The following ARMC2 variants were observed in gnomAD, a reference collection of about 807,000 sequenced individuals.
ARMC2 encodes armadillo repeat-containing protein 2.
ARMC2 carries 67 observed loss-of-function variants against 90.3 expected under a neutral mutation model. The ratio of observed to expected loss-of-function variants is 0.74; its 90% CI spans 0.61 to 0.91. The LOEUF (loss-of-function observed/expected upper bound fraction) is 0.91, where lower values mean the gene tolerates loss of function less well. Among genes scored for constraint, ARMC2 ranks in the 40% least tolerant of loss-of-function variants. The probability of loss-of-function intolerance (pLI) is 0.00; values close to 1 mark genes in which losing one functional copy is unlikely to be tolerated. For missense variants in ARMC2, 920 were observed against 1,030.9 expected, an observed-to-expected ratio of 0.89 and a Z score of 1.47; for synonymous variants, 393 against 393.0, an observed-to-expected ratio of 1.00 and a Z score of 0.00.
Position 108,877,321 on chromosome 6 carries a change from C to A in ARMC2, c.671+971C>A, listed in dbSNP as rs186496688. On this transcript the variant is annotated intron_variant, in intron 5 of 17. Transcript: ENST00000392644. ...TGCTTAAAACTTTTCCCCCAAGTGG[C>A]TGCTTGCCAGCTTGTTTAGCTGAAC... is the stretch of plus-strand genomic sequence containing the variant. 5.8e-4 allele frequency among the ~76,000 whole-genome samples: 89 copies of A among 152,374 alleles called. No individual in the cohort carries two copies. In the East Asian group the frequency reaches 0.013, roughly 22 times the overall value.
At chr6:109,029,025 T>C in the ARMC2 span, among the ~76,000 whole-genome samples, 4 of 152,202 alleles carry the variant, frequency 2.6e-5, no homozygotes, top group African/African-American at 9.7e-5. Context: ...AAAATTCTTA[T>C]AGCTTCATGC....
At chr6:109,046,451 C>T in the ARMC2 span, among the ~76,000 whole-genome samples, 2 of 149,584 alleles carry the variant, frequency 1.3e-5, no homozygotes, top group East Asian at 2.0e-4. Flanking sequence ...ACCTCCCAGC[C>T]GCCTGCCTTG....
chr6:108,907,409 T>A (rs1242660234), intron 8 of ARMC2, among the ~76,000 whole-genome samples: 1 of 151,700 alleles, frequency 6.6e-6, no homozygotes, highest in Non-Finnish European at 1.5e-5. Context: ...ATATTAGGAA[T>A]AATATATATT....
At chr6:108,996,693 T>C in the ARMC2 span, among the ~76,000 whole-genome samples, 1 of 152,118 alleles carries the variant, frequency 6.6e-6, no homozygotes, top group African/African-American at 2.4e-5. Flanking sequence ...GTAAGAAAAC[T>C]CTTTTTTCTT....
At chr6:108,891,902 C>T (rs1320469302) in intron 5 of ARMC2, among the ~76,000 whole-genome samples, 1 of 152,122 alleles carries the variant, frequency 6.6e-6, no homozygotes, top group Non-Finnish European at 1.5e-5. Context: ...AGTCTTTAAT[C>T]CATCTTGAGT....
intron 13 of ARMC2, among the ~76,000 whole-genome samples, chr6:108,961,005 G>A (rs1777962051): frequency 3.3e-5 from 5 of 152,196 alleles, no homozygotes; most frequent in Non-Finnish European, 5.9e-5. Context: ...GCTTTTAAAG[G>A]ATAACTGTGT....
In ARMC2 at chr6:108,964,324, G is replaced by A; in HGVS notation, c.2285+12G>A. On this transcript the variant is annotated intron_variant, in intron 16 of 17. Transcript: ENST00000392644. ...GGTGGCATTAAAAAGTAAGTTTCAGGGCGTAGAGTACTGACTCTCTCAGGA... is the reference window on the plus strand; with the variant it reads ...GGTGGCATTAAAAAGTAAGTTTCAGAGCGTAGAGTACTGACTCTCTCAGGA... The A allele has an allele frequency of 6.2e-7, 1 of 1,612,706 alleles. No individual in the cohort carries two copies. Among genetic ancestry groups the A allele is most frequent in the Non-Finnish European group, 8.5e-7 (1 of 1,179,296 alleles).
chr6:108,965,415 A>G (rs1432039452), intron 17 of ARMC2, among the ~76,000 whole-genome samples: 1 of 140,174 alleles, frequency 7.1e-6, no homozygotes, highest in African/African-American at 2.6e-5. Flanking sequence ...GCATAAATAT[A>G]AGACCTCAGC....
chr6:108,899,666 T>G, intron 6 of ARMC2, 28 bp from the exon 7 acceptor site: 4 of 1,576,894 alleles, frequency 2.5e-6, no homozygotes, highest in Non-Finnish European at 3.5e-6. Context: ...TTCATAGCTT[T>G]TTCTCCTGCT....
At chr6:109,051,166 A>C in the ARMC2 span, among the ~76,000 whole-genome samples, 32 of 152,126 alleles carry the variant, frequency 2.1e-4, no homozygotes, top group East Asian at 7.7e-4. Context: ...AAAACAACAA[A>C]AAAAAACTCA....
intron 1 of ARMC2, among the ~76,000 whole-genome samples, chr6:108,852,853 A>G (rs1229770613): frequency 1.3e-5 from 2 of 152,198 alleles, no homozygotes; most frequent in East Asian, 1.9e-4. Flanking sequence ...CAAACCTGTC[A>G]TGGCTGCTTA....
intron 4 of ARMC2, among the ~76,000 whole-genome samples, chr6:108,874,148 A>C (rs1776708243): frequency 6.6e-6 from 1 of 152,200 alleles, no homozygotes; most frequent in East Asian, 1.9e-4. Flanking sequence ...ACACATGCTC[A>C]GTTTCATCGA....
chr6:108,905,946 C>T (rs1388981856), intron 8 of ARMC2, among the ~76,000 whole-genome samples: 1 of 152,172 alleles, frequency 6.6e-6, no homozygotes, highest in Admixed American at 6.5e-5. Context: ...CAGACAAGAT[C>T]TTGTTTAGCT....
rs747690401 is a variant in ARMC2 at position 108,868,967 on chromosome 6, G to GCCGGACAGATCCCTTCCT, written c.438_455dup (p.Asp147_Pro152dup). On this transcript the variant is annotated inframe_insertion, in exon 4 of 18. Coordinates refer to ENST00000392644, the MANE Select transcript of ARMC2 (RefSeq NM_032131.6). ...GGGCTGCCTCCCAGCGGGCCCTTCT[G>GCCGGACAGATCCCTTCCT]CCGGACAGATCCCTTCCTCCCTCCG... The GCCGGACAGATCCCTTCCT allele has an allele frequency of 5.6e-6, 9 of 1,613,534 alleles. No homozygotes were observed. The South Asian group carries it at 9.9e-5, about 18-fold the overall frequency.
At chr6:108,862,708 T>C (rs1169584236) in intron 3 of ARMC2, among the ~76,000 whole-genome samples, 1 of 150,826 alleles carries the variant, frequency 6.6e-6, no homozygotes, top group Admixed American at 6.6e-5. Flanking sequence ...GGAGAGAGAG[T>C]GGCAGAGGAG....
chr6:108,930,900 C>A (rs1409725966), intron 11 of ARMC2, among the ~76,000 whole-genome samples: 21 of 149,186 alleles, frequency 1.4e-4, no homozygotes, highest in African/African-American at 4.8e-4. Context: ...CGGCCCCCAC[C>A]CCCTTTTTTT....
the ARMC2 span, among the ~76,000 whole-genome samples, chr6:109,049,565 G>A: frequency 6.6e-6 from 1 of 152,020 alleles, no homozygotes; most frequent in South Asian, 2.1e-4. Flanking sequence ...TAACTGTTTA[G>A]ATGACGGATT....
chr6:108,964,409 G>T, intron 16 of ARMC2, 97 bp downstream of exon 16: 3 of 1,389,266 alleles, frequency 2.2e-6, no homozygotes, highest in Non-Finnish European at 2.9e-6. Context: ...TGGGGCAAAG[G>T]TATTTCAACA....
At chr6:108,963,619 C>T (rs1778152105) in intron 15 of ARMC2, among the ~76,000 whole-genome samples, 1 of 152,150 alleles carries the variant, frequency 6.6e-6, no homozygotes, top group Non-Finnish European at 1.5e-5. Context: ...ACAAACAGTT[C>T]CCAGTTCCAT....
Sources: gnomAD v4.1 joint callset for allele counts (sites outside exome capture counted in the v4.1 genomes callset) on GRCh38, gnomAD v4.1.1 for gene constraint, MANE v1.5 for transcripts, NCBI Gene and HGNC (gene_info 2026-07-23, HGNC 2026-07-21) for gene names.